Variants in SLC13A1 observed in about 807,000 individuals in gnomAD.
The protein encoded by SLC13A1 is Na(+)/sulfate cotransporter.
A neutral mutation model predicts 70.0 loss-of-function variants in SLC13A1; 65 were observed. The ratio of observed to expected loss-of-function variants is 0.93; its 90% confidence interval spans 0.76 to 1.14. The LOEUF (loss-of-function observed/expected upper bound fraction) is 1.14. SLC13A1 is among the 50% of genes most tolerant of loss of function. The pLI is 0.00. For synonymous variants in SLC13A1, 275 were observed against 250.5 expected, an observed-to-expected ratio of 1.10 and a Z score of -0.92; for missense variants, 726 against 717.8, an observed-to-expected ratio of 1.01 and a Z score of -0.13.
At chr7:123,140,078 T>A (rs1794081922) in intron 7 of SLC13A1, among the ~76,000 whole-genome samples, 1 of 141,746 alleles carries the variant, frequency 7.1e-6, no homozygotes, top group Non-Finnish European at 1.6e-5. Flanking sequence ...AGCTTCTTTT[T>A]TTAAAAAAAA....
At chr7:123,161,030 T>C (rs902043902) in intron 6 of SLC13A1, among the ~76,000 whole-genome samples, 3 of 151,632 alleles carry the variant, frequency 2.0e-5, no homozygotes, top group South Asian at 2.1e-4. Context: ...ACCAACAAAG[T>C]AGACAGAACA....
chr7:123,116,246 A>G (rs1793177814), intron 14 of SLC13A1, among the ~76,000 whole-genome samples: 1 of 152,172 alleles, frequency 6.6e-6, no homozygotes. Flanking sequence ...ACAGTCCATT[A>G]AACAATCTCA....
chr7:123,199,691 A>G (rs1389399995), intron 1 of SLC13A1, among the ~76,000 whole-genome samples, 157 bp downstream of exon 1: 1 of 152,084 alleles, frequency 6.6e-6, no homozygotes. Context: ...AAAAGGGAGA[A>G]AATGGCCAAA....
chr7:123,187,283 T>C (rs1296116823), intron 1 of SLC13A1, among the ~76,000 whole-genome samples: 1 of 152,188 alleles, frequency 6.6e-6, no homozygotes, highest in East Asian at 1.9e-4. Context: ...TATTATAGTA[T>C]GGGCAGTTCC....
At chr7:123,178,100 A>G (rs556206954) in intron 2 of SLC13A1, among the ~76,000 whole-genome samples, 8 of 152,084 alleles carry the variant, frequency 5.3e-5, no homozygotes, top group Admixed American at 6.6e-5. Context: ...TTATATTTAA[A>G]TATTTTCGAT....
chr7:123,176,841 T>C (rs1328612540), intron 2 of SLC13A1, among the ~76,000 whole-genome samples: 1 of 152,138 alleles, frequency 6.6e-6, no homozygotes, highest in Non-Finnish European at 1.5e-5. Context: ...TAGTGCTTTC[T>C]CTTCTCATTT....
chr7:123,165,416 A>G (rs1467775194), intron 6 of SLC13A1, among the ~76,000 whole-genome samples: 1 of 152,152 alleles, frequency 6.6e-6, no homozygotes, highest in Non-Finnish European at 1.5e-5. Context: ...CTCTATTGAA[A>G]GGTTATTCTT....
At chr7:123,181,293 A>T (rs1470802901) in intron 1 of SLC13A1, 192 bp from the exon 2 acceptor site, 4 of 494,426 alleles carry the variant, frequency 8.1e-6, no homozygotes, top group Non-Finnish European at 1.4e-5. Context: ...AATAAACATA[A>T]AAAACTAAAG....
intron 7 of SLC13A1, among the ~76,000 whole-genome samples, chr7:123,139,988 G>T (rs1356936421): frequency 2.0e-5 from 3 of 151,962 alleles, no homozygotes; most frequent in African/African-American, 4.8e-5. Context: ...TTTTCATGCT[G>T]CAGATCTTAG....
intron 6 of SLC13A1, chr7:123,149,770 CT>C: frequency 2.5e-6 from 1 of 393,984 alleles, no homozygotes; most frequent in Non-Finnish European, 5.0e-6. Flanking sequence ...TGAATTAATT[CT>C]ATCTCTACAG....
intron 10 of SLC13A1, 113 bp from the exon 11 acceptor site, chr7:123,125,788 T>C: frequency 1.4e-6 from 1 of 725,578 alleles, no homozygotes; most frequent in East Asian, 2.5e-5. Flanking sequence ...TAGTAGGTGG[T>C]GTAGGTTATT....
At chr7:123,129,292 T>C (rs1366357337) in intron 9 of SLC13A1, 91 bp downstream of exon 9, 2 of 1,082,786 alleles carry the variant, frequency 1.8e-6, no homozygotes, top group Non-Finnish European at 2.7e-6. Flanking sequence ...TTTCAACAGC[T>C]ACTTGCAGTG....
rs964812629 is a variant in SLC13A1, at chr7:123,134,606, A to T, written c.813-77T>A. On this transcript the variant is annotated intron_variant, in intron 7 of 14. Transcript: ENST00000194130. ...TTTCTGATTGTCACAGGGAAGCAGC[A>T]GTCCACCTCTTTCCTGTGTTTCTGT... The T allele has an allele frequency of 1.2e-4, 166 of 1,373,962 alleles. 1 individual carries two copies. Among genetic ancestry groups the T allele is most frequent in the Non-Finnish European group, 1.6e-4 (163 of 991,232 alleles). The allele number at this position is 1,373,962 out of a possible 1,614,324, so 85.1% of individuals were successfully genotyped here.
chr7:123,164,064 T>C (rs1055552756), intron 6 of SLC13A1, among the ~76,000 whole-genome samples: 3 of 151,942 alleles, frequency 2.0e-5, no homozygotes. Context: ...AATTATATAG[T>C]CTGTAAGAAG....
intron 7 of SLC13A1, among the ~76,000 whole-genome samples, chr7:123,145,113 A>T (rs925418096): frequency 5.9e-5 from 9 of 152,166 alleles, no homozygotes; most frequent in Admixed American, 4.6e-4. Context: ...AGCCATGGCA[A>T]AAGTAGAGCA....
intron 7 of SLC13A1, among the ~76,000 whole-genome samples, chr7:123,134,840 T>C (rs934642406): frequency 1.3e-5 from 2 of 152,212 alleles, no homozygotes; most frequent in Non-Finnish European, 2.9e-5. Context: ...GAGTATTAAA[T>C]GCACAAGAAA....
chr7:123,192,707 A>G (rs1280081014), intron 1 of SLC13A1, among the ~76,000 whole-genome samples: 1 of 152,092 alleles, frequency 6.6e-6, no homozygotes, highest in African/African-American at 2.4e-5. Flanking sequence ...TACAAGAAAA[A>G]CATCATTATT....
intron 8 of SLC13A1, among the ~76,000 whole-genome samples, chr7:123,131,974 G>A (rs933128376): frequency 4.6e-5 from 7 of 152,100 alleles, no homozygotes; most frequent in African/African-American, 1.7e-4. Context: ...GTCATTAAAT[G>A]TAGCAATGAA....
At chr7:123,149,704 C>T in intron 6 of SLC13A1, 2 of 436,618 alleles carry the variant, frequency 4.6e-6, no homozygotes, top group Non-Finnish European at 9.2e-6. Flanking sequence ...ATTTTACCAT[C>T]CTGGTTATCA....
Sources: allele counts gnomAD v4.1 joint callset (sites outside exome capture counted in the v4.1 genomes callset), GRCh38; gene constraint gnomAD v4.1.1; transcripts MANE v1.5; gene names NCBI Gene and HGNC (gene_info 2026-07-23, HGNC 2026-07-21).